The following DERPC variants were observed in gnomAD, a reference collection of about 807,000 sequenced individuals.
The protein encoded by DERPC is DERPC proline and glycine rich nuclear protein.
In DERPC, 1 loss-of-function variant was observed where a neutral mutation model predicts 7.2. The observed-to-expected ratio is 0.14, with a 90% CI of 0.05 to 0.66. The LOEUF (loss-of-function observed/expected upper bound fraction) is 0.66. DERPC is among the 30% of genes least tolerant of loss of function. The pLI is 0.84. For missense variants in DERPC, 502 were observed against 299.4 expected (o/e 1.68, Z -4.99); for synonymous variants, 185 against 117.6 (o/e 1.57, Z -3.71).
chr16:69,121,108 C>A (rs183034674), intron 2 of DERPC: 2 of 1,613,796 alleles, frequency 1.2e-6, no homozygotes, highest in African/African-American at 2.7e-5. Context: ...AGTGCTGTAG[C>A]GAGCCTCGAT....
rs754863061 is a variant in DERPC, at chr16:69,119,091, G to A, written c.1338C>T (p.Ala446=). ...PGQVTFPRPA[A]GHLGPSPAGP... is the part of the protein sequence containing the mutation. Reference sequence around the variant, plus strand: ...CAGCTGGAGAAGGGCCCAGATGCCCGGCAGCTGGCCTGGGGAAAGTAACTT... The same window carrying A: ...CAGCTGGAGAAGGGCCCAGATGCCCAGCAGCTGGCCTGGGGAAAGTAACTT... Residue 446 remains alanine (A), a synonymous_variant, in exon 3 of 3, where the codon GCC becomes GCT. Coordinates refer to ENST00000519520, the MANE Select transcript of DERPC (RefSeq NM_001002847.4). The A allele has an allele frequency of 2.3e-5, 16 of 702,896 alleles. No homozygotes were observed. The highest frequency in any genetic ancestry group is 5.2e-5 in the African/African-American group (3 of 57,278). 43.5% of individuals were successfully genotyped at this position (702,896 alleles called of 1,614,324 possible).
chr16:69,125,862 C>T (rs982893128), intron 1 of DERPC, among the ~76,000 whole-genome samples: 1 of 152,172 alleles, frequency 6.6e-6, no homozygotes, highest in Non-Finnish European at 1.5e-5. Flanking sequence ...GACTATGACA[C>T]CTAGATTATG....
chr16:69,119,401 G>A lies in DERPC; in HGVS notation c.1028C>T (p.Pro343Leu). ...PMSRAPGPIGPNSAHFSRPVG... is the reference protein window; with the variant it reads ...PMSRAPGPIGLNSAHFSRPVG... ...TGGCCTTGAGAAATGAGCTGAATTAGGGCCTATGGGGCCAGGAGCCCTTGA... is the reference window on the plus strand; with the variant it reads ...TGGCCTTGAGAAATGAGCTGAATTAAGGCCTATGGGGCCAGGAGCCCTTGA... Residue 343 changes from proline (P) to leucine (L), a missense_variant, in exon 3 of 3, where the codon CCT becomes CTT. Coordinates refer to ENST00000519520, the MANE Select transcript of DERPC (RefSeq NM_001002847.4). 1 of 702,874 alleles carries A rather than the reference G, an allele frequency of 1.4e-6. No homozygotes were observed. Among genetic ancestry groups the A allele is most frequent in the Non-Finnish European group, 2.6e-6 (1 of 384,918 alleles). The allele number at this position is 702,874 out of a possible 1,614,324, so 43.5% of individuals were successfully genotyped here.
In DERPC at chr16:69,118,198, A is replaced by G. The variant is rs1404247862; in HGVS notation, c.*656T>C. ...TGAGGTTCTTTGATTGATTGGGAGT[A>G]CCAGTGAAGAGGGAGTTGGATGAGT... is the stretch of plus-strand genomic sequence containing the variant. On this transcript the variant is annotated 3_prime_UTR_variant, in exon 3 of 3. Transcript: ENST00000519520. 2 of 495,548 alleles carry G rather than the reference A, an allele frequency of 4.0e-6. No homozygotes were observed. The highest frequency in any genetic ancestry group is 4.2e-5 in the African/African-American group (2 of 47,164). 30.7% of individuals were successfully genotyped at this position (495,548 alleles called of 1,614,324 possible). A position where few individuals can be genotyped will look rare whatever the true frequency, so the allele number is the denominator to read the frequency against.
Position 69,123,932 on chromosome 16 carries a change from A to AC in DERPC, c.-279-2440_-279-2439insG, listed in dbSNP as rs1239150577. On this transcript the variant is annotated intron_variant, in intron 1 of 2. Transcript: ENST00000519520. Reference sequence around the variant, plus strand: ...ATGAAACCCCATCTCTACTAAAAAAAAAAAAAAAAAAAAAACAAAAAATTA... The same window carrying AC: ...ATGAAACCCCATCTCTACTAAAAAAACAAAAAAAAAAAAAAACAAAAAATTA... Among the ~76,000 whole-genome samples the AC allele has an allele frequency of 1.5e-5, 2 of 135,794 alleles. 1 individual carries two copies. Among genetic ancestry groups the AC allele is most frequent in the Non-Finnish European group, 3.3e-5 (2 of 59,756 alleles). 89.1% of individuals were successfully genotyped at this position (135,794 alleles called of 152,430 possible).
intron 1 of DERPC, among the ~76,000 whole-genome samples, chr16:69,129,886 A>C (rs1034997305): frequency 6.6e-6 from 1 of 152,236 alleles, no homozygotes; most frequent in Non-Finnish European, 1.5e-5. Context: ...AAAACAAAGA[A>C]GCAGCTTGCT....
chr16:69,124,266 G>A (rs1158217062), intron 1 of DERPC, among the ~76,000 whole-genome samples: 1 of 152,182 alleles, frequency 6.6e-6, no homozygotes, highest in Non-Finnish European at 1.5e-5. Context: ...TGATAGGATC[G>A]GGGATAAAAC....
intron 1 of DERPC, among the ~76,000 whole-genome samples, chr16:69,124,622 G>A (rs1012090760): frequency 1.3e-4 from 19 of 151,652 alleles, no homozygotes; most frequent in Admixed American, 3.9e-4. Context: ...TGATCCACCC[G>A]CCTCAGCCTC....
chr16:69,121,483 G>C lies in DERPC; in HGVS notation c.-269C>G. 4 of 1,594,268 alleles carry C rather than the reference G, an allele frequency of 2.5e-6. No individual in the cohort carries two copies. Among genetic ancestry groups the C allele is most frequent in the Non-Finnish European group, 3.4e-6 (4 of 1,170,838 alleles). ...TGAGCTTTCTGTCTTTAAAAAGCAA[G>C]TGAAAACAAGCTGTAGAGAGAAAAA... On this transcript the variant is annotated 5_prime_UTR_variant, in exon 2 of 3. Coordinates refer to ENST00000519520, the MANE Select transcript of DERPC (RefSeq NM_001002847.4).
At chr16:69,130,854 A>G (rs901640470) in intron 1 of DERPC, among the ~76,000 whole-genome samples, 12 of 152,370 alleles carry the variant, frequency 7.9e-5, no homozygotes, top group African/African-American at 2.2e-4. Context: ...TCAAGTTTTC[A>G]TAACAGTAGA....
chr16:69,119,755 C>A lies in DERPC; in HGVS notation c.674G>T (p.Arg225Met). ...SGFLGTNPAP[R>M]SGVFPGPGLG... ...GCCTGGGCCTGGAAACACACCTGAC[C>A]TGGGGGCAGGGTTTGTCCCTAAAAA... The change falls in exon 3 of 3, where the codon AGG becomes ATG. Residue 225 changes from arginine to methionine, a missense_variant. Physicochemically the swap from Arg to Met is moderately conservative, Grantham distance 91. Transcript: ENST00000519520. The A allele has an allele frequency of 1.4e-6, 1 of 696,212 alleles. No homozygotes were observed. Among genetic ancestry groups the A allele is most frequent in the East Asian group, 2.7e-5 (1 of 37,020 alleles). 43.1% of individuals were successfully genotyped at this position (696,212 alleles called of 1,614,324 possible).
chr16:69,127,976 G>A (rs1038451002), intron 1 of DERPC, among the ~76,000 whole-genome samples: 17 of 150,550 alleles, frequency 1.1e-4, no homozygotes, highest in Admixed American at 4.0e-4. Context: ...GTGCAGTGGC[G>A]CAATCTCGGC....
intron 1 of DERPC, among the ~76,000 whole-genome samples, chr16:69,124,400 CA>C (rs1961909881): frequency 6.6e-6 from 1 of 152,108 alleles, no homozygotes; most frequent in South Asian, 2.1e-4. Context: ...GCTTAGCAAA[CA>C]CCCGATTAAA....
chr16:69,125,040 G>T (rs575000232), intron 1 of DERPC, among the ~76,000 whole-genome samples: 2 of 152,116 alleles, frequency 1.3e-5, no homozygotes, highest in Admixed American at 1.3e-4. Context: ...GAGTAGCTAG[G>T]ATTATAGGCA....
intron 1 of DERPC, among the ~76,000 whole-genome samples, chr16:69,124,025 A>T (rs1392473527): frequency 6.6e-6 from 1 of 151,928 alleles, no homozygotes; most frequent in Non-Finnish European, 1.5e-5. Context: ...ACTCAGTGGA[A>T]CCTGGGAGAT....
In DERPC at chr16:69,118,394, C is replaced by T; in HGVS notation, c.*460G>A. On this transcript the variant is annotated 3_prime_UTR_variant, in exon 3 of 3. Coordinates refer to ENST00000519520, the MANE Select transcript of DERPC (RefSeq NM_001002847.4). ...TATGGCAGTAGAGGATGACCAGGTC[C>T]AAGCTGCCCAGGTCAGAGCTACGGA... 6.2e-7 allele frequency: 1 copy of T among 1,612,986 alleles called. No homozygotes were observed. Among genetic ancestry groups the T allele is most frequent in the African/African-American group, 1.3e-5 (1 of 74,992 alleles).
chr16:69,123,192 G>C (rs1961810974), intron 1 of DERPC, among the ~76,000 whole-genome samples: 1 of 152,170 alleles, frequency 6.6e-6, no homozygotes, highest in Admixed American at 6.5e-5. Flanking sequence ...AAAGTGTTGG[G>C]ATTACAGATG....
chr16:69,130,777 T>C (rs1339621760), intron 1 of DERPC, among the ~76,000 whole-genome samples: 1 of 152,236 alleles, frequency 6.6e-6, no homozygotes, highest in Non-Finnish European at 1.5e-5. Context: ...TACTACACTG[T>C]GTTAGCATAT....
chr16:69,122,865 G>A (rs964272537), intron 1 of DERPC, among the ~76,000 whole-genome samples: 1 of 152,002 alleles, frequency 6.6e-6, no homozygotes, highest in South Asian at 2.1e-4. Flanking sequence ...TTTTAGTAGA[G>A]ATGGGGTTTC....
Sources: allele counts gnomAD v4.1 joint callset (sites outside exome capture counted in the v4.1 genomes callset), GRCh38; gene constraint gnomAD v4.1.1; transcripts MANE v1.5; gene names NCBI Gene and HGNC (gene_info 2026-07-23, HGNC 2026-07-21).